Variants in PMEL observed in about 807,000 individuals in gnomAD.
The protein encoded by PMEL is premelanosome protein.
A neutral mutation model predicts 64.9 loss-of-function variants in PMEL; 53 were observed. The observed-to-expected ratio is 0.82, with a 90% CI of 0.66 to 1.03. The LOEUF is 1.03. Ranked by LOEUF, PMEL falls within the 50% of genes least tolerant of loss-of-function variation. The pLI is 0.00. For synonymous variants in PMEL, 299 were observed against 316.2 expected (o/e 0.95, Z 0.58); for missense variants, 716 against 814.9 (o/e 0.88, Z 1.48).
rs1289606418 is a variant in PMEL at position 55,957,260 on chromosome 12, G to T, written c.1043C>A (p.Thr348Asn). Reference protein sequence around the residue: ...GQAPTAEPSGTTSVQVPTTEV... With the variant: ...GQAPTAEPSGNTSVQVPTTEV... ...AGTGGTTGGCACCTGCACAGATGTG[G>T]TTCCAGAGGGCTCTGCAGTTGGCGC... The change falls in exon 6 of 11, where the codon ACC becomes AAC. Residue 348 changes from threonine (T) to asparagine (N), a missense_variant. Physicochemically the swap from Thr to Asn is moderately conservative, Grantham distance 65. Coordinates refer to ENST00000548747, the MANE Select transcript of PMEL (RefSeq NM_001384361.1). 1.2e-6 allele frequency: 2 copies of T among 1,613,628 alleles called. No individual in the cohort carries two copies. Among genetic ancestry groups the T allele is most frequent in the East Asian group, 4.5e-5 (2 of 44,874 alleles).
chr12:55,959,921 C>G (rs1210139268), intron 3 of PMEL, among the ~76,000 whole-genome samples: 2 of 152,134 alleles, frequency 1.3e-5, no homozygotes, highest in East Asian at 3.8e-4. Flanking sequence ...CTAATCCTTA[C>G]AACAATCCTT....
chr12:55,957,459 C>T lies in PMEL; in HGVS notation c.844G>A (p.Glu282Lys). The T allele has an allele frequency of 6.2e-7, 1 of 1,613,688 alleles. No homozygotes were observed. The highest frequency in any genetic ancestry group is 1.3e-5 in the African/African-American group (1 of 74,950). The change falls in exon 6 of 11, where the codon GAG becomes AAG. Residue 282 changes from glutamate to lysine, a missense_variant. Physicochemically the swap from Glu to Lys is moderately conservative, Grantham distance 56 (BLOSUM62 1). Transcript: ENST00000548747. ...ACCTGGGCAGTGACTGGGCCAGGCT[C>T]CAGGTAAGTATGAGTGACCACAAGT... ...RALVVTHTYL[E>K]PGPVTAQVVL...
intron 1 of PMEL, among the ~76,000 whole-genome samples, chr12:55,962,687 C>T (rs111386852): frequency 6.6e-6 from 1 of 150,890 alleles, no homozygotes; most frequent in Non-Finnish European, 1.5e-5. Flanking sequence ...CCACACCCAA[C>T]TAATTTTTGT....
At chr12:55,964,928 CTT>C (rs545848638) in intron 1 of PMEL, among the ~76,000 whole-genome samples, 15 of 123,726 alleles carry the variant, frequency 1.2e-4, no homozygotes, top group Admixed American at 1.7e-4. Context: ...CATCCCCTTT[CTT>C]TTTTTTTTTT....
intron 1 of PMEL, among the ~76,000 whole-genome samples, chr12:55,964,774 T>A (rs1889224596): frequency 1.3e-5 from 2 of 151,794 alleles, no homozygotes; most frequent in Non-Finnish European, 2.9e-5. Flanking sequence ...TACAGGTGCG[T>A]ACCACCATGC....
upstream of PMEL, chr12:55,966,565 C>G: frequency 2.0e-6 from 1 of 494,490 alleles, no homozygotes; most frequent in Non-Finnish European, 2.7e-6. Context: ...CAAGAAATCC[C>G]TACAGACTAG....
intron 3 of PMEL, among the ~76,000 whole-genome samples, chr12:55,959,665 C>G (rs138646330): frequency 6.6e-6 from 1 of 151,940 alleles, no homozygotes; most frequent in Non-Finnish European, 1.5e-5. Flanking sequence ...ATTAGCCAGG[C>G]GTGCTGGCGG....
chr12:55,966,337 T>A (rs1182379763), upstream of PMEL: 1 of 327,486 alleles, frequency 3.1e-6, no homozygotes, highest in Non-Finnish European at 5.7e-6. Context: ...AACCAGGAAC[T>A]TCTCAAAAAG....
rs758459033 is a variant in PMEL, at chr12:55,958,040, T to C, written c.514A>G (p.Ile172Val). Residue 172 changes from isoleucine to valine, a missense_variant, in exon 5 of 11, where the codon ATT (isoleucine) becomes GTT (valine). By Grantham distance (29) the Ile-to-Val change is conservative (BLOSUM62 3). Transcript: ENST00000548747. ...CCCAGCATTGCCCTGCCTGTCCCAA[T>C]GCTCAGCCCAGACACTGGGCCCCCT... ...VLGGPVSGLS[I>V]GTGRAMLGTH... The C allele has an allele frequency of 1.2e-6, 2 of 1,614,178 alleles. No individual in the cohort carries two copies. Among genetic ancestry groups the C allele is most frequent in the South Asian group, 1.1e-5 (1 of 91,088 alleles).
In PMEL at chr12:55,957,321, G is replaced by T; in HGVS notation, c.982C>A (p.Pro328Thr). The stretch of plus-strand genomic sequence containing the variant: ...GTAGTACCCACAACTTCTGTAGTAG[G>T]CACTTGGCCAGCTGTGGTGTTAGGG... ...EAPNTTAGQV[P>T]TTEVVGTTPG... Residue 328 changes from proline to threonine, a missense_variant, in exon 6 of 11, where the codon CCT becomes ACT. Transcript: ENST00000548747. 2.5e-6 allele frequency: 4 copies of T among 1,603,334 alleles called. No homozygotes were observed. The highest frequency in any genetic ancestry group is 3.4e-6 in the Non-Finnish European group (4 of 1,172,920).
chr12:55,966,418 CCT>C (rs1889304219), upstream of PMEL: 3 of 189,994 alleles, frequency 1.6e-5, no homozygotes, highest in Non-Finnish European at 2.2e-5. Flanking sequence ...GGCAACGACT[CCT>C]CTGAGGCCCA....
chr12:55,962,122 C>A (rs1395580196), intron 1 of PMEL, among the ~76,000 whole-genome samples: 1 of 151,950 alleles, frequency 6.6e-6, no homozygotes, highest in Non-Finnish European at 1.5e-5. Flanking sequence ...AGGCGTGAGC[C>A]ACTGCGCCCG....
rs1455458288 is a variant in PMEL at position 55,957,153 on chromosome 12, C to A, written c.1150G>T (p.Val384Phe). 8 of 1,614,210 alleles carry A rather than the reference C, an allele frequency of 5.0e-6. No individual in the cohort carries two copies. The highest frequency in any genetic ancestry group is 6.8e-6 in the Non-Finnish European group (8 of 1,180,032). Reference protein sequence around the residue: ...MTPEKVPVSEVMGTTLAEMST... With the variant: ...MTPEKVPVSEFMGTTLAEMST... ...ATCTCTGCCAGTGTGGTACCCATGA[C>A]CTCTGAAACTGGCACCTTCTCAGGT... The change falls in exon 6 of 11, where the codon GTC becomes TTC. Residue 384 changes from valine (V) to phenylalanine (F), a missense_variant. Coordinates refer to ENST00000548747, the MANE Select transcript of PMEL (RefSeq NM_001384361.1).
chr12:55,955,933 A>G (rs1371279680), intron 7 of PMEL, 70 bp from the exon 8 acceptor site: 3 of 1,388,336 alleles, frequency 2.2e-6, no homozygotes, highest in African/African-American at 1.4e-5. Flanking sequence ...GAGACAGAAA[A>G]GCCCCAGGGC....
chr12:55,958,724 A>G, intron 3 of PMEL, 117 bp from the exon 4 acceptor site: 3 of 1,023,436 alleles, frequency 2.9e-6, no homozygotes, highest in Non-Finnish European at 4.3e-6. Context: ...CCTAGCTAGA[A>G]AGTACATTCT....
At chr12:55,960,895 T>C (rs1889077006) in intron 3 of PMEL, among the ~76,000 whole-genome samples, 1 of 150,206 alleles carries the variant, frequency 6.7e-6, no homozygotes, top group African/African-American at 2.4e-5. Flanking sequence ...ATTACACATA[T>C]AACTTGTTTT....
intron 3 of PMEL, 162 bp downstream of exon 3, chr12:55,961,155 A>C (rs940292941): frequency 3.3e-6 from 2 of 597,636 alleles, no homozygotes; most frequent in Non-Finnish European, 5.8e-6. Context: ...CAGTGAGCCG[A>C]GATTGCGCCA....
chr12:55,957,660 A>G lies in PMEL; in HGVS notation c.643T>C (p.Phe215Leu). The stretch of plus-strand genomic sequence containing the variant: ...CGCAACTGGGACACGCTCACGGAGA[A>G]AGGCACCTGGTCTGGGATTGGAGCC... Reference protein sequence around the residue: ...SAFTITDQVPFSVSVSQLRAL... With the variant: ...SAFTITDQVPLSVSVSQLRAL... Residue 215 changes from phenylalanine to leucine, a missense_variant, in exon 6 of 11, where the codon TTC (phenylalanine) becomes CTC (leucine). Transcript: ENST00000548747. 1 of 1,610,794 alleles carries G rather than the reference A, an allele frequency of 6.2e-7. No individual in the cohort carries two copies. The highest frequency in any genetic ancestry group is 1.1e-5 in the South Asian group (1 of 90,644).
At position 55,961,667 on chromosome 12, in the gene PMEL, G is replaced by T. The variant is rs1378269826; in HGVS notation, c.142C>A (p.Leu48Met). The T allele has an allele frequency of 1.2e-6, 2 of 1,613,992 alleles. No individual in the cohort carries two copies. Among genetic ancestry groups the T allele is most frequent in the East Asian group, 2.2e-5 (1 of 44,878 alleles). Residue 48 changes from leucine to methionine, a missense_variant, in exon 2 of 11, where the codon CTG becomes ATG. Physicochemically the swap from Leu to Met is conservative, Grantham distance 15 (BLOSUM62 2). Coordinates refer to ENST00000548747, the MANE Select transcript of PMEL (RefSeq NM_001384361.1). Reference protein sequence around the residue: ...QLRTKAWNRQLYPEWTEAQRL... With the variant: ...QLRTKAWNRQMYPEWTEAQRL... ...TGGGCTTCTGTCCACTCTGGATACA[G>T]CTGCCTGTTCCAGGCTTTGGTTCTG...
Sources: gnomAD v4.1 joint callset for allele counts (sites outside exome capture counted in the v4.1 genomes callset) on GRCh38, gnomAD v4.1.1 for gene constraint, MANE v1.5 for transcripts, NCBI Gene and HGNC (gene_info 2026-07-23, HGNC 2026-07-21) for gene names.